CPVL: variants seen among roughly 807,000 people sequenced by gnomAD.
CPVL encodes carboxypeptidase vitellogenic like.
Under a neutral mutation model 63.7 loss-of-function variants are expected in CPVL, and 51 were observed. The observed-to-expected ratio is 0.80, with a 90% confidence interval of 0.64 to 1.01. The LOEUF is 1.01. Ranked by LOEUF, CPVL falls within the 50% of genes least tolerant of loss-of-function variation. The pLI is 0.00. For missense variants in CPVL, 530 were observed against 573.1 expected (o/e 0.92, Z 0.77); for synonymous variants, 195 against 206.0 (o/e 0.95, Z 0.46).
chr7:29,109,164 T>TA (rs1240906526), intron 3 of CPVL, among the ~76,000 whole-genome samples: 2 of 152,236 alleles, frequency 1.3e-5, no homozygotes, highest in African/African-American at 4.8e-5. Context: ...TTATACTTTT[T>TA]ATCCCATGCA....
chr7:29,169,013 A>G (rs1796270594), intron 5 of CPVL, among the ~76,000 whole-genome samples: 1 of 152,234 alleles, frequency 6.6e-6, no homozygotes, highest in South Asian at 2.1e-4. Flanking sequence ...TTATTAGAAT[A>G]TCATGAGGAA....
chr7:28,998,226 C>A (rs1346185961), intron 12 of CPVL, among the ~76,000 whole-genome samples: 1 of 152,216 alleles, frequency 6.6e-6, no homozygotes, highest in African/African-American at 2.4e-5. Flanking sequence ...GCTGAGGACA[C>A]TTAACAAAGT....
At chr7:29,108,834 C>T (rs2128626876) in intron 3 of CPVL, among the ~76,000 whole-genome samples, 1 of 152,272 alleles carries the variant, frequency 6.6e-6, no homozygotes, top group Admixed American at 6.5e-5. Flanking sequence ...GATTTCTATC[C>T]AAGCCTGACT....
At chr7:29,002,193 A>G (rs1443353185) in intron 12 of CPVL, among the ~76,000 whole-genome samples, 1 of 152,096 alleles carries the variant, frequency 6.6e-6, no homozygotes, top group Non-Finnish European at 1.5e-5. Flanking sequence ...AACAAAGAAA[A>G]CCCCAAAAGA....
intron 9 of CPVL, 62 bp downstream of exon 9, chr7:29,071,707 TCACC>T: frequency 2.7e-5 from 23 of 867,438 alleles, no homozygotes; most frequent in Middle Eastern, 2.4e-4. Context: ...GTGTTCCTGC[TCACC>T]CGCCCTCCCT....
intron 3 of CPVL, among the ~76,000 whole-genome samples, chr7:29,103,411 A>ATTTTTTTTT (rs551627609): frequency 4.5e-5 from 6 of 134,802 alleles, no homozygotes; most frequent in East Asian, 2.2e-4. Flanking sequence ...ATGCTCAGCT[A>ATTTTTTTTT]TTTTTTTTTT....
Position 29,031,155 on chromosome 7 carries a change from C to T in CPVL, c.1138-396G>A, listed in dbSNP as rs148219280. ...TAACTTCAACTTCAGGCAGTGCAGT[C>T]GCTGGCAAGCTGAGCTTTCTCTTGG... On this transcript the variant is annotated intron_variant, in intron 11 of 12. Transcript: ENST00000265394. Among the ~76,000 whole-genome samples, 354 of 152,270 alleles carry T rather than the reference C, an allele frequency of 2.3e-3. 4 individuals are homozygous for T. Among genetic ancestry groups the T allele is most frequent in the African/African-American group, 7.4e-3 (309 of 41,544 alleles).
chr7:29,096,264 G>T, intron 3 of CPVL, 47 bp from the exon 4 acceptor site: 1 of 1,454,542 alleles, frequency 6.9e-7, no homozygotes, highest in Non-Finnish European at 9.7e-7. Flanking sequence ...ACTCACTTAA[G>T]GCTACAGAAC....
At chr7:29,149,942 C>T (rs1793361761), upstream of CPVL, among the ~76,000 whole-genome samples, 1 of 152,318 alleles carries the variant, frequency 6.6e-6, no homozygotes, top group South Asian at 2.1e-4. Context: ...TCTATGAAGA[C>T]TCATTTTCAA....
At chr7:29,178,532 C>A (rs1797654972) in intron 5 of CPVL, among the ~76,000 whole-genome samples, 1 of 152,154 alleles carries the variant, frequency 6.6e-6, no homozygotes, top group Admixed American at 6.5e-5. Flanking sequence ...ATGTCACATC[C>A]TCCGAGAGAC....
intron 11 of CPVL, among the ~76,000 whole-genome samples, chr7:29,040,741 G>T (rs983847706): frequency 2.6e-5 from 4 of 152,168 alleles, no homozygotes; most frequent in Non-Finnish European, 5.9e-5. Flanking sequence ...AATGGAAGTG[G>T]AACAGCAAGT....
At chr7:29,124,256 C>G (rs1488443441) in intron 1 of CPVL, among the ~76,000 whole-genome samples, 1 of 152,124 alleles carries the variant, frequency 6.6e-6, no homozygotes, top group Non-Finnish European at 1.5e-5. Flanking sequence ...CAGAGGATAT[C>G]TCCCACAGAA....
Position 29,072,206 on chromosome 7 carries a change from T to G in CPVL, c.732+95A>C, listed in dbSNP as rs1490256525. 8 of 1,391,264 alleles carry G rather than the reference T, an allele frequency of 5.8e-6. No individual in the cohort carries two copies. The East Asian group carries it at 1.8e-4, about 32-fold the overall frequency. 86.2% of individuals were successfully genotyped at this position (1,391,264 alleles called of 1,614,324 possible). On this transcript the variant is annotated intron_variant, in intron 8 of 12. Transcript: ENST00000265394. ...ATAAAGTCAACTGGTGTTTCCCTTA[T>G]CAAAAGTTAGACCTCTAAGAGGAGC...
chr7:28,998,384 G>A (rs1214240942), intron 12 of CPVL, among the ~76,000 whole-genome samples: 1 of 152,232 alleles, frequency 6.6e-6, no homozygotes, highest in Admixed American at 6.5e-5. Flanking sequence ...ACAAAGGATA[G>A]CACAGTGCTT....
chr7:29,145,300 G>T (rs534101087), intron 1 of CPVL, among the ~76,000 whole-genome samples: 1 of 151,878 alleles, frequency 6.6e-6, no homozygotes, highest in Non-Finnish European at 1.5e-5. Context: ...ACATTTAGCC[G>T]GGGAAGGGAA....
Position 29,066,476 on chromosome 7 carries a change from G to GTA in CPVL, c.865-356_865-355insTA, listed in dbSNP as rs1783149376. Among the ~76,000 whole-genome samples, 11 of 152,356 alleles carry GTA rather than the reference G, an allele frequency of 7.2e-5. No individual in the cohort carries two copies. The South Asian group carries it at 2.3e-3, about 32-fold the overall frequency. ...TAGGAAGTGTCATGTGTGTGCATGTGTGTATGGGACAATGTAGAGAGGAGG... is the reference window on the plus strand; with the variant it reads ...TAGGAAGTGTCATGTGTGTGCATGTGTATGTATGGGACAATGTAGAGAGGAGG... On this transcript the variant is annotated intron_variant, in intron 9 of 12. Transcript: ENST00000265394.
intron 9 of CPVL, 50 bp downstream of exon 9, chr7:29,071,723 C>A: frequency 2.8e-6 from 4 of 1,412,522 alleles, no homozygotes; most frequent in Non-Finnish European, 3.9e-6. Flanking sequence ...GCCCTCCCTC[C>A]CCAGATGGTT....
At chr7:29,084,308 CTT>C (rs1785010315) in intron 7 of CPVL, among the ~76,000 whole-genome samples, 1 of 152,216 alleles carries the variant, frequency 6.6e-6, no homozygotes, top group African/African-American at 2.4e-5. Flanking sequence ...ACTGGAGAGT[CTT>C]TGCATTCATT....
intron 11 of CPVL, among the ~76,000 whole-genome samples, chr7:29,046,177 C>T (rs775700094): frequency 1.4e-4 from 21 of 151,430 alleles, no homozygotes; most frequent in Non-Finnish European, 2.8e-4. Context: ...TTCCACCTCC[C>T]GGGTTCAAGC....
Sources: allele counts gnomAD v4.1 joint callset (sites outside exome capture counted in the v4.1 genomes callset), GRCh38; gene constraint gnomAD v4.1.1; transcripts MANE v1.5; gene names NCBI Gene and HGNC (gene_info 2026-07-23, HGNC 2026-07-21).